The following ZNF683 variants were observed in gnomAD, a reference collection of about 807,000 sequenced individuals.
ZNF683 encodes zinc finger protein 683, also known as tissue-resident T-cell transcription regulator protein ZNF683.
In ZNF683, 20 loss-of-function variants were observed where a neutral mutation model predicts 31.4. That is an observed-to-expected ratio of 0.64 (90% confidence interval 0.45 to 0.93). ZNF683 has a LOEUF of 0.93. Ranked by LOEUF, ZNF683 falls within the 40% of genes least tolerant of loss-of-function variation. The pLI, the probability that ZNF683 is intolerant of heterozygous loss-of-function variation, is 0.00. For missense variants in ZNF683, 621 were observed against 637.2 expected (o/e 0.97, Z 0.27); for synonymous variants, 264 against 267.6 (o/e 0.99, Z 0.13).
intron 3 of ZNF683, among the ~76,000 whole-genome samples, chr1:26,366,734 C>T (rs932702091): frequency 6.6e-6 from 1 of 152,166 alleles, no homozygotes; most frequent in African/African-American, 2.4e-5. Flanking sequence ...CGGCTCACTG[C>T]AAGCTCCGCC....
chr1:26,370,674 C>T (rs868030047), intron 1 of ZNF683: 7 of 985,624 alleles, frequency 7.1e-6, no homozygotes, highest in East Asian at 1.1e-4. Context: ...GCTCTCCACT[C>T]GGTGCTGCAG....
intron 5 of ZNF683, 66 bp downstream of exon 5, chr1:26,362,960 C>T (rs1484646065): frequency 3.3e-6 from 5 of 1,519,396 alleles, no homozygotes; most frequent in Non-Finnish European, 4.5e-6. Context: ...CAGGTGCCAG[C>T]CCTCCAAGGG....
At chr1:26,373,891 G>A (rs1449797231), upstream of ZNF683, among the ~76,000 whole-genome samples, 1 of 152,134 alleles carries the variant, frequency 6.6e-6, no homozygotes, top group Non-Finnish European at 1.5e-5. Flanking sequence ...TTCACAATAA[G>A]CCTGTGTGGT....
intron 5 of ZNF683, 104 bp downstream of exon 5, chr1:26,362,922 G>T: frequency 1.4e-6 from 2 of 1,435,010 alleles, no homozygotes; most frequent in Non-Finnish European, 1.9e-6. Context: ...ATCTCCACTT[G>T]CTCAGGAGGA....
intron 1 of ZNF683, chr1:26,370,696 G>T: frequency 1.0e-6 from 1 of 985,634 alleles, no homozygotes; most frequent in Non-Finnish European, 1.2e-6. Flanking sequence ...AGTGCTCCTG[G>T]CTGGGAAGGA....
intron 3 of ZNF683, 141 bp from the exon 4 acceptor site, chr1:26,365,367 G>T: frequency 3.3e-6 from 3 of 910,824 alleles, no homozygotes; most frequent in Non-Finnish European, 4.8e-6. Context: ...AACAATTTCA[G>T]GGGGAGAAAG....
At chr1:26,365,307 G>A in intron 3 of ZNF683, 81 bp from the exon 4 acceptor site, 1 of 1,390,192 alleles carries the variant, frequency 7.2e-7, no homozygotes, top group Non-Finnish European at 9.6e-7. Flanking sequence ...CCTGCTCGGG[G>A]CTGAGAAAGA....
At chr1:26,366,846 T>G (rs1024062323) in intron 3 of ZNF683, among the ~76,000 whole-genome samples, 1 of 152,090 alleles carries the variant, frequency 6.6e-6, no homozygotes, top group Admixed American at 6.6e-5. Context: ...TTAGTAGAGA[T>G]GGGGTTTCAC....
chr1:26,367,831 T>A, intron 2 of ZNF683, 34 bp from the exon 3 acceptor site: 5 of 1,494,966 alleles, frequency 3.3e-6, no homozygotes, highest in Non-Finnish European at 4.5e-6. Flanking sequence ...TGGGGGCTGG[T>A]GACTGGGACT....
In ZNF683 at chr1:26,365,232, C is replaced by T. The variant is rs748915921; in HGVS notation, c.320-6G>A. 1 of 1,584,248 alleles carries T rather than the reference C, an allele frequency of 6.3e-7. No individual in the cohort carries two copies. The highest frequency in any genetic ancestry group is 8.6e-7 in the Non-Finnish European group (1 of 1,166,318). ...CAGCCCTGGTGGCTCGTGCTCTAAGCAGGAAAAGGAAGGCGGTCAGATCCC... is the reference window on the plus strand; with the variant it reads ...CAGCCCTGGTGGCTCGTGCTCTAAGTAGGAAAAGGAAGGCGGTCAGATCCC... On this transcript the variant is annotated splice_region_variant and splice_polypyrimidine_tract_variant and intron_variant, in intron 3 of 5. Transcript: ENST00000349618.
intron 2 of ZNF683, 119 bp downstream of exon 2, chr1:26,368,339 G>T: frequency 8.0e-7 from 1 of 1,248,330 alleles, no homozygotes; most frequent in Non-Finnish European, 1.1e-6. Context: ...CCTGGGATAG[G>T]GGGTGCTCAG....
chr1:26,369,438 C>T (rs531000479), intron 1 of ZNF683, among the ~76,000 whole-genome samples: 63 of 152,052 alleles, frequency 4.1e-4, no homozygotes, highest in African/African-American at 1.4e-3. Flanking sequence ...GAGGCTGAAG[C>T]GGGCGGATCA....
rs1288839208 is a variant in ZNF683 at position 26,363,019 on chromosome 1, A to T, written c.1143+7T>A. On this transcript the variant is annotated splice_region_variant and intron_variant, in intron 5 of 5. Coordinates refer to ENST00000349618, the MANE Select transcript of ZNF683 (RefSeq NM_001114759.3). ...AGGAGTACATAGTAGGGGGAGAAGG[A>T]TCTCACCGAGCACTTGTGGGGCCGC... The T allele has an allele frequency of 1.9e-6, 3 of 1,606,728 alleles. No homozygotes were observed. In the African/African-American group the frequency reaches 4.0e-5, roughly 21 times the overall value.
At chr1:26,363,737 G>GAA (rs61027154) in intron 4 of ZNF683, among the ~76,000 whole-genome samples, 25,655 of 133,834 alleles carry the variant, frequency 0.19, 2,659 homozygotes, top group East Asian at 0.47. Context: ...ACTCCATATG[G>GAA]AAAAAAAAAA....
chr1:26,372,143 C>T (rs531592081), intron 1 of ZNF683, among the ~76,000 whole-genome samples: 5 of 152,278 alleles, frequency 3.3e-5, no homozygotes, highest in East Asian at 1.9e-4. Context: ...ACCCCAGCCA[C>T]GCCACCCTGG....
At chr1:26,369,593 G>T (rs1034839570) in intron 1 of ZNF683, among the ~76,000 whole-genome samples, 1 of 150,114 alleles carries the variant, frequency 6.7e-6, no homozygotes, top group South Asian at 2.1e-4. Context: ...GCTTGAACCC[G>T]GGAGGCAGAG....
chr1:26,368,929 T>G (rs534531607), intron 1 of ZNF683, among the ~76,000 whole-genome samples: 1 of 151,322 alleles, frequency 6.6e-6, no homozygotes, highest in African/African-American at 2.4e-5. Flanking sequence ...CTGGGCAACA[T>G]AGTGAGACCC....
chr1:26,372,639 C>T, intron 1 of ZNF683, 30 bp downstream of exon 1: 3 of 1,304,150 alleles, frequency 2.3e-6, no homozygotes, highest in Non-Finnish European at 3.0e-6. Context: ...ATAAAAACTA[C>T]TTCCCCTCTA....
At chr1:26,366,342 CAAAAA>C (rs1173737722) in intron 3 of ZNF683, among the ~76,000 whole-genome samples, 1 of 68,980 alleles carries the variant, frequency 1.4e-5, no homozygotes, top group Admixed American at 1.8e-4. Flanking sequence ...CAGCCTATCT[CAAAAA>C]AAAAAAAAAA....
Sources: gnomAD v4.1 joint callset for allele counts (sites outside exome capture counted in the v4.1 genomes callset) on GRCh38, gnomAD v4.1.1 for gene constraint, MANE v1.5 for transcripts, NCBI Gene and HGNC (gene_info 2026-07-23, HGNC 2026-07-21) for gene names.